CPQ: variants seen among roughly 807,000 people sequenced by gnomAD.
CPQ encodes carboxypeptidase Q.
CPQ carries 37 observed loss-of-function variants against 45.7 expected under a neutral mutation model. The ratio of observed to expected loss-of-function variants is 0.81; its 90% CI spans 0.62 to 1.07. CPQ has a LOEUF of 1.07. Among genes scored for constraint, CPQ ranks in the 50% least tolerant of loss-of-function variants. The pLI is 0.00. For missense variants in CPQ, 537 were observed against 572.9 expected (o/e 0.94, Z 0.64); for synonymous variants, 186 against 205.8 (o/e 0.90, Z 0.82).
chr8:96,732,472 T>A lies in CPQ; in HGVS notation c.-34-52392T>A, dbSNP rs181927867. 10 of 152,326 alleles carry A rather than the reference T, an allele frequency of 6.6e-5. No individual in the cohort carries two copies. The East Asian group carries it at 1.9e-3, about 29-fold the overall frequency. The allele number at this position is 152,326 out of a possible 1,614,324, so 9.4% of individuals were successfully genotyped here. On this transcript the variant is annotated intron_variant, in intron 1 of 7. Coordinates refer to ENST00000220763, the MANE Select transcript of CPQ (RefSeq NM_016134.4). Reference sequence around the variant, plus strand: ...TAGTCTTTAAAACATTTTTTTGTAATTATCTTATTCACATATTATTATCCA... The same window carrying A: ...TAGTCTTTAAAACATTTTTTTGTAAATATCTTATTCACATATTATTATCCA...
chr8:97,072,722 A>G (rs1308280164), intron 7 of CPQ, among the ~76,000 whole-genome samples: 3 of 152,000 alleles, frequency 2.0e-5, no homozygotes, highest in African/African-American at 2.4e-5. Context: ...GTTAATTTCT[A>G]CTCACTCATG....
intron 5 of CPQ, among the ~76,000 whole-genome samples, chr8:96,989,168 C>A (rs925278646): frequency 6.6e-6 from 1 of 152,038 alleles, no homozygotes; most frequent in African/African-American, 2.4e-5. Context: ...GTCTCTAGAA[C>A]TGAGGAACTA....
intron 2 of CPQ, among the ~76,000 whole-genome samples, chr8:96,797,261 C>G (rs1343735224): frequency 1.3e-5 from 2 of 152,120 alleles, no homozygotes; most frequent in Non-Finnish European, 2.9e-5. Context: ...TAGAAAATCC[C>G]AGGAATGTAG....
intron 1 of CPQ, among the ~76,000 whole-genome samples, chr8:96,737,118 C>CT (rs1809993033): frequency 6.6e-6 from 1 of 151,158 alleles, no homozygotes; most frequent in South Asian, 2.1e-4. Flanking sequence ...ATTTCTTCCT[C>CT]TTGTCTTTAT....
At chr8:96,923,041 A>G (rs1048591036) in intron 4 of CPQ, among the ~76,000 whole-genome samples, 2 of 152,170 alleles carry the variant, frequency 1.3e-5, no homozygotes. Flanking sequence ...ACATTGACCC[A>G]TCCCCTCAGT....
At chr8:96,874,389 G>A (rs1236274886) in intron 3 of CPQ, among the ~76,000 whole-genome samples, 1 of 151,708 alleles carries the variant, frequency 6.6e-6, no homozygotes, top group Admixed American at 6.6e-5. Flanking sequence ...TATTCACAGA[G>A]TTGTGCAACC....
intron 1 of CPQ, among the ~76,000 whole-genome samples, chr8:96,755,155 A>G (rs1023260225): frequency 6.6e-6 from 1 of 151,998 alleles, no homozygotes; most frequent in East Asian, 1.9e-4. Flanking sequence ...TGATTTAAAA[A>G]TAGTTCTGTA....
At chr8:96,734,519 G>A (rs1809954189) in intron 1 of CPQ, among the ~76,000 whole-genome samples, 1 of 152,100 alleles carries the variant, frequency 6.6e-6, no homozygotes, top group East Asian at 1.9e-4. Flanking sequence ...AGACCATCCT[G>A]GCTAAAACGG....
intron 1 of CPQ, among the ~76,000 whole-genome samples, chr8:96,648,899 G>T (rs1345912046): frequency 6.6e-6 from 1 of 152,248 alleles, no homozygotes; most frequent in East Asian, 1.9e-4. Flanking sequence ...GGTGTGGTAA[G>T]GTTAGGGCCA....
intron 7 of CPQ, among the ~76,000 whole-genome samples, chr8:97,129,464 C>T (rs1314191167): frequency 6.6e-6 from 1 of 152,104 alleles, no homozygotes; most frequent in Non-Finnish European, 1.5e-5. Context: ...TAAGATAATG[C>T]CTGTAAGTGT....
At chr8:96,761,405 G>A (rs1563490312) in intron 1 of CPQ, 1 of 152,282 alleles carries the variant, frequency 6.6e-6, no homozygotes, top group East Asian at 1.9e-4. Context: ...TCCTCTCCCA[G>A]TGGTCCTGGA....
At chr8:96,772,442 TG>T (rs975559850) in intron 1 of CPQ, among the ~76,000 whole-genome samples, 2 of 152,058 alleles carry the variant, frequency 1.3e-5, no homozygotes, top group Non-Finnish European at 2.9e-5. Context: ...GTATTGAGTT[TG>T]GGGTGTCTGT....
At chr8:97,051,805 T>C (rs1810369306) in intron 6 of CPQ, among the ~76,000 whole-genome samples, 1 of 152,206 alleles carries the variant, frequency 6.6e-6, no homozygotes, top group Non-Finnish European at 1.5e-5. Flanking sequence ...TCAAATGGCA[T>C]TGGCACTTGT....
intron 2 of CPQ, among the ~76,000 whole-genome samples, chr8:96,791,520 A>G (rs1185885351): frequency 6.6e-6 from 1 of 152,186 alleles, no homozygotes; most frequent in Non-Finnish European, 1.5e-5. Context: ...TTCAAAACCC[A>G]GAGGATATGA....
At chr8:96,931,871 C>T (rs1812979633) in intron 4 of CPQ, among the ~76,000 whole-genome samples, 1 of 152,204 alleles carries the variant, frequency 6.6e-6, no homozygotes, top group Non-Finnish European at 1.5e-5. Context: ...AGACAAAGAT[C>T]TATCTGGTGC....
chr8:97,042,787 T>C (rs1426170367), intron 6 of CPQ, among the ~76,000 whole-genome samples: 4 of 152,092 alleles, frequency 2.6e-5, no homozygotes, highest in African/African-American at 9.7e-5. Context: ...TCCATGTAGT[T>C]GAGCGGTTTT....
rs749474745 is a variant in CPQ at position 96,879,945 on chromosome 8, C to T, written c.789C>T (p.Tyr263=). The T allele has an allele frequency of 1.2e-6, 2 of 1,614,036 alleles. No homozygotes were observed. The part of the protein sequence containing the change: ...VIQLKMGAKT[Y]PDTDSFNTVA... ...AGCTAAAGATGGGGGCAAAGACCTACCCAGATACTGATTCCTTCAACACTG... is the reference window on the plus strand; with the variant it reads ...AGCTAAAGATGGGGGCAAAGACCTATCCAGATACTGATTCCTTCAACACTG... Residue 263 remains tyrosine (Y), a synonymous_variant, in exon 4 of 8, where the codon TAC becomes TAT. Transcript: ENST00000220763.
Position 97,062,088 on chromosome 8 carries a change from G to T in CPQ, c.1054-3921G>T, listed in dbSNP as rs866931431. Among the ~76,000 whole-genome samples, 4 of 152,134 alleles carry T rather than the reference G, an allele frequency of 2.6e-5. No individual in the cohort carries two copies. The South Asian group carries it at 8.3e-4, about 31-fold the overall frequency. On this transcript the variant is annotated intron_variant, in intron 6 of 7. Coordinates refer to ENST00000220763, the MANE Select transcript of CPQ (RefSeq NM_016134.4). ...TTGCACAATGGCATTCACAAACTGT[G>T]AAGTCCCCTGTCCCTAGGACATCTG... is the stretch of plus-strand genomic sequence containing the variant.
intron 4 of CPQ, among the ~76,000 whole-genome samples, chr8:96,940,784 T>A (rs927187991): frequency 1.3e-5 from 2 of 152,224 alleles, no homozygotes; most frequent in Non-Finnish European, 2.9e-5. Context: ...AACTAGCCCA[T>A]CTTTTATTAC....
Sources: allele counts gnomAD v4.1 joint callset (sites outside exome capture counted in the v4.1 genomes callset), GRCh38; gene constraint gnomAD v4.1.1; transcripts MANE v1.5; gene names NCBI Gene and HGNC (gene_info 2026-07-23, HGNC 2026-07-21).